The following KDM3A variants were observed in gnomAD, a reference collection of about 807,000 sequenced individuals.
KDM3A encodes the protein lysine-specific demethylase 3A.
A neutral mutation model predicts 158.0 loss-of-function variants in KDM3A; 60 were observed. That is an observed-to-expected ratio of 0.38 (90% CI 0.31 to 0.47). The LOEUF is 0.47. Among genes scored for constraint, KDM3A ranks in the 20% least tolerant of loss-of-function variants. The pLI, the probability that KDM3A is intolerant of heterozygous loss-of-function variation, is 0.99. For missense variants in KDM3A, 1,319 were observed against 1,574.3 expected (o/e 0.84, Z 2.74); for synonymous variants, 608 against 549.3 (o/e 1.11, Z -1.49).
chr2:86,486,125 TAATA>T (rs1417685981), intron 21 of KDM3A, among the ~76,000 whole-genome samples: 1 of 152,218 alleles, frequency 6.6e-6, no homozygotes, highest in Non-Finnish European at 1.5e-5. Context: ...ACATGTTACT[TAATA>T]GTCTTTAGAT....
chr2:86,465,097 T>C (rs1019830039), intron 9 of KDM3A, among the ~76,000 whole-genome samples: 6 of 152,176 alleles, frequency 3.9e-5, no homozygotes, highest in African/African-American at 1.4e-4. Flanking sequence ...CAGGGTGAAG[T>C]CCTTTGGTAG....
rs535868641 is a variant in KDM3A, at chr2:86,464,214, A to G, written c.1005A>G (p.Gln335=). ...SPPNLGAKIP[Q]GCHKQSLPEE... is the part of the protein sequence containing the mutation. ...CTAACCTTGGAGCAAAAATTCCTCA[A>G]GGGTGAGTAGTGATTTGTTAAAGAT... is the stretch of plus-strand genomic sequence containing the variant. The change falls in exon 9 of 26, where the codon CAA becomes CAG. Residue 335 remains glutamine (Q), a splice_region_variant and synonymous_variant. Transcript: ENST00000312912. 1.9e-6 allele frequency: 3 copies of G among 1,576,796 alleles called. No homozygotes were observed. The highest frequency in any genetic ancestry group is 2.3e-5 in the East Asian group (1 of 44,140).
At chr2:86,462,984 G>A (rs1472832418) in intron 8 of KDM3A, among the ~76,000 whole-genome samples, 2 of 152,070 alleles carry the variant, frequency 1.3e-5, no homozygotes, top group East Asian at 3.9e-4. Context: ...CCAGCTACTC[G>A]GGAGGCTGAG....
At chr2:86,476,612 C>CT (rs932012391) in intron 12 of KDM3A, among the ~76,000 whole-genome samples, 1 of 152,136 alleles carries the variant, frequency 6.6e-6, no homozygotes, top group Non-Finnish European at 1.5e-5. Context: ...TTATTCTGTC[C>CT]TTTCAGTGAC....
At chr2:86,444,467 G>A (rs1179826361) in intron 2 of KDM3A, among the ~76,000 whole-genome samples, 1 of 151,962 alleles carries the variant, frequency 6.6e-6, no homozygotes, top group East Asian at 1.9e-4. Context: ...GGGCCATGTT[G>A]CATTAAAAAA....
In KDM3A at chr2:86,484,289, T is replaced by C. The variant is rs1674079881; in HGVS notation, c.3094+131T>C. On this transcript the variant is annotated intron_variant, in intron 19 of 25. Transcript: ENST00000312912. ...TTTTGGAGTTTAAAATTAACGTCTC[T>C]CCTCCCCTTCCTTGTTACAATGTTT... The C allele has an allele frequency of 7.3e-6, 5 of 688,110 alleles. No homozygotes were observed. The South Asian group carries it at 9.6e-5, about 13-fold the overall frequency. 42.6% of individuals were successfully genotyped at this position (688,110 alleles called of 1,614,324 possible). A position where few individuals can be genotyped will look rare whatever the true frequency, so the allele number is the denominator to read the frequency against.
chr2:86,459,341 A>AT (rs1368179877), intron 8 of KDM3A, among the ~76,000 whole-genome samples: 1 of 152,186 alleles, frequency 6.6e-6, no homozygotes, highest in Non-Finnish European at 1.5e-5. Flanking sequence ...TATAATAATA[A>AT]TTTCTTTATG....
In KDM3A at chr2:86,492,027, T is replaced by C. The variant is rs983975167; in HGVS notation, c.3886-12T>C. The C allele has an allele frequency of 6.3e-7, 1 of 1,585,176 alleles. No homozygotes were observed. Among genetic ancestry groups the C allele is most frequent in the Non-Finnish European group, 8.7e-7 (1 of 1,155,696 alleles). On this transcript the variant is annotated splice_polypyrimidine_tract_variant and intron_variant, in intron 25 of 25. Coordinates refer to ENST00000312912, the MANE Select transcript of KDM3A (RefSeq NM_018433.6). ...AATGTAAAATGCCCATATTTTCTCCTACTATTTTTAGGTGAAGAATGTTAT... is the reference window on the plus strand; with the variant it reads ...AATGTAAAATGCCCATATTTTCTCCCACTATTTTTAGGTGAAGAATGTTAT...
chr2:86,449,639 T>C (rs1672353779), intron 2 of KDM3A, among the ~76,000 whole-genome samples, 168 bp from the exon 3 acceptor site: 1 of 152,058 alleles, frequency 6.6e-6, no homozygotes, highest in African/African-American at 2.4e-5. Flanking sequence ...TCATGTGTGA[T>C]TATGTATTGT....
At chr2:86,490,816 GA>G in intron 23 of KDM3A, 64 bp from the exon 24 acceptor site, 4 of 1,286,970 alleles carry the variant, frequency 3.1e-6, no homozygotes, top group Non-Finnish European at 2.2e-6. Flanking sequence ...CTGTTTAGAG[GA>G]AAAAAATGGC....
chr2:86,481,855 TCTG>T, intron 16 of KDM3A, 72 bp from the exon 17 acceptor site: 1 of 1,128,400 alleles, frequency 8.9e-7, no homozygotes, highest in Non-Finnish European at 1.3e-6. Context: ...CTAAAGTAAT[TCTG>T]CTAGTAGAAT....
In KDM3A at chr2:86,467,650, CA is replaced by C. The variant is rs528451923; in HGVS notation, c.1519+771del. ...GAAGAACAAAATGTTTTCAGCATGT[CA>C]AAAGGTTTAGAGCTATTAGAATTTA... On this transcript the variant is annotated intron_variant, in intron 10 of 25. Transcript: ENST00000312912. 5.3e-5 allele frequency among the ~76,000 whole-genome samples: 8 copies of C among 152,266 alleles called. No homozygotes were observed. In the East Asian group the frequency reaches 1.5e-3, roughly 29 times the overall value.
intron 10 of KDM3A, among the ~76,000 whole-genome samples, chr2:86,468,917 GA>G (rs1408530010): frequency 6.6e-6 from 1 of 152,154 alleles, no homozygotes; most frequent in Non-Finnish European, 1.5e-5. Context: ...CTTGTTTCTA[GA>G]TATTTCCTCT....
At chr2:86,458,088 A>G (rs1342508400) in intron 8 of KDM3A, among the ~76,000 whole-genome samples, 4 of 152,194 alleles carry the variant, frequency 2.6e-5, no homozygotes, top group African/African-American at 9.7e-5. Context: ...AAATTTAAAA[A>G]CTGACCAAGG....
At chr2:86,438,733 AC>A (rs1049232308), upstream of KDM3A, among the ~76,000 whole-genome samples, 1 of 152,048 alleles carries the variant, frequency 6.6e-6, no homozygotes, top group Non-Finnish European at 1.5e-5. Context: ...TCTAGTGTGC[AC>A]CCCCTAATAC....
chr2:86,485,584 T>A (rs1573209133), intron 20 of KDM3A, 145 bp from the exon 21 acceptor site: 2 of 910,138 alleles, frequency 2.2e-6, no homozygotes, highest in East Asian at 2.6e-5. Flanking sequence ...CTGCTGTACT[T>A]CTCATCTTAA....
chr2:86,457,130 A>G, intron 8 of KDM3A, 59 bp downstream of exon 8: 1 of 624,602 alleles, frequency 1.6e-6, no homozygotes. Flanking sequence ...TTGCATGGCT[A>G]GTTTTTATTT....
In KDM3A at chr2:86,466,430, G is replaced by T. The variant is rs770192890; in HGVS notation, c.1066G>T (p.Ala356Ser). The change falls in exon 10 of 26, where the codon GCT (alanine) becomes TCT (serine). Residue 356 changes from alanine to serine, a missense_variant. Physicochemically the swap from Ala to Ser is moderately conservative, Grantham distance 99. Transcript: ENST00000312912. ...TTCCTGTCTAAATACAAAGTCTGAA[G>T]CTCTGAGAACAAAACCAGATGTCTG... ...ISSCLNTKSE[A>S]LRTKPDVCKA... The T allele has an allele frequency of 6.2e-7, 1 of 1,613,780 alleles. No individual in the cohort carries two copies. Among genetic ancestry groups the T allele is most frequent in the South Asian group, 1.1e-5 (1 of 91,074 alleles).
At chr2:86,487,573 C>T (rs1674241086) in intron 21 of KDM3A, 1 of 152,184 alleles carries the variant, frequency 6.6e-6, no homozygotes, top group Admixed American at 6.5e-5. Flanking sequence ...CAAGGGGCAG[C>T]TAGTGGCAGG....
Sources: gnomAD v4.1 joint callset for allele counts (sites outside exome capture counted in the v4.1 genomes callset) on GRCh38, gnomAD v4.1.1 for gene constraint, MANE v1.5 for transcripts, NCBI Gene and HGNC (gene_info 2026-07-23, HGNC 2026-07-21) for gene names.